HARBI1: variants seen among roughly 807,000 people sequenced by gnomAD.
HARBI1 encodes harbinger transposase derived 1.
In HARBI1, 15 loss-of-function variants were observed where a neutral mutation model predicts 25.3. That is an observed-to-expected ratio of 0.59 (90% CI 0.40 to 0.91). HARBI1 has a LOEUF of 0.91. Among genes scored for constraint, HARBI1 ranks in the 40% least tolerant of loss-of-function variants. The pLI is 0.00. For synonymous variants in HARBI1, 168 were observed against 160.5 expected (o/e 1.05, Z -0.35); for missense variants, 396 against 445.8 (o/e 0.89, Z 1.01).
At chr11:46,617,675 C>T (rs2045735695), upstream of HARBI1, 2 of 393,850 alleles carry the variant, frequency 5.1e-6, no homozygotes, top group Non-Finnish European at 9.0e-6. Context: ...GAGCGCCAGT[C>T]GACGTGGGTG....
At chr11:46,611,871 T>G (rs759334986) in intron 2 of HARBI1, among the ~76,000 whole-genome samples, 1 of 152,100 alleles carries the variant, frequency 6.6e-6, no homozygotes, top group African/African-American at 2.4e-5. Flanking sequence ...AAATAAAATT[T>G]GAAAGCTCAA....
At position 46,604,390 on chromosome 11, in the gene HARBI1, C is replaced by T. The variant is rs113704334; in HGVS notation, c.671-481G>A. ...ATTGCACTCCAACCTGGGCGACAAG[C>T]GCGAAACTCCATCTCAAATAAAATA... On this transcript the variant is annotated intron_variant, in intron 2 of 2. Transcript: ENST00000326737. 2,653 of 866,228 alleles carry T rather than the reference C, an allele frequency of 3.1e-3. 58 individuals carry two copies. In the African/African-American group the frequency reaches 0.045, roughly 15 times the overall value. The allele number at this position is 866,228 out of a possible 1,614,324, so 53.7% of individuals were successfully genotyped here.
At chr11:46,616,440 A>C (rs1161064596) in intron 1 of HARBI1, 59 bp from the exon 2 acceptor site, 14 of 1,386,134 alleles carry the variant, frequency 1.0e-5, no homozygotes, top group Non-Finnish European at 7.4e-6. Flanking sequence ...AGTGACTCAA[A>C]GGCTGGAGCA....
chr11:46,617,640 C>G (rs979274865), upstream of HARBI1: 19 of 358,536 alleles, frequency 5.3e-5, no homozygotes, highest in African/African-American at 4.0e-4. Flanking sequence ...GGAGTGACCG[C>G]TTAACCAGTG....
At position 46,616,371 on chromosome 11, in the gene HARBI1, TA is replaced by T; in HGVS notation, c.-135del. 2 of 1,452,994 alleles carry T rather than the reference TA, an allele frequency of 1.4e-6. No individual in the cohort carries two copies. The highest frequency in any genetic ancestry group is 1.8e-6 in the Non-Finnish European group (2 of 1,111,058). 90.0% of individuals were successfully genotyped at this position (1,452,994 alleles called of 1,614,324 possible). A position where few individuals can be genotyped will look rare whatever the true frequency, so the allele number is the denominator to read the frequency against. On this transcript the variant is annotated 5_prime_UTR_variant, in exon 2 of 3. Transcript: ENST00000326737. ...CACAGTTAAATGGCTCTGCCATTTA[TA>T]ATCTTCTCTCTGTAAATGTTAAAAG...
chr11:46,605,587 CTTTTTTTTTTTTTT>C (rs11333482), intron 2 of HARBI1, among the ~76,000 whole-genome samples: 1 of 90,216 alleles, frequency 1.1e-5, no homozygotes, highest in Non-Finnish European at 2.2e-5. Context: ...CAGGTATAAC[CTTTTTTTTTTTTTT>C]TTTTTTTTTG....
In HARBI1 at chr11:46,616,397, G is replaced by GA. The variant is rs1405328072; in HGVS notation, c.-144-17dup. ...AATCTTCTCTCTGTAAATGTTAAAA[G>GA]AAAAAACATTAGGAACCTACCAAAG... On this transcript the variant is annotated splice_polypyrimidine_tract_variant and intron_variant, in intron 1 of 2. Coordinates refer to ENST00000326737, the MANE Select transcript of HARBI1 (RefSeq NM_173811.4). 6 of 1,423,564 alleles carry GA rather than the reference G, an allele frequency of 4.2e-6. No individual in the cohort carries two copies. The highest frequency in any genetic ancestry group is 6.1e-5 in the Admixed American group (2 of 33,056). The allele number at this position is 1,423,564 out of a possible 1,614,324, so 88.2% of individuals were successfully genotyped here.
intron 2 of HARBI1, among the ~76,000 whole-genome samples, chr11:46,613,566 T>G (rs1591255492): frequency 7.3e-6 from 1 of 136,754 alleles, no homozygotes; most frequent in East Asian, 2.5e-4. Context: ...CACTGCAACC[T>G]CCACCTCCCA....
intron 2 of HARBI1, among the ~76,000 whole-genome samples, chr11:46,610,489 T>C (rs1265624406): frequency 1.3e-5 from 2 of 151,672 alleles, no homozygotes; most frequent in Non-Finnish European, 2.9e-5. Flanking sequence ...TGAAACCCCA[T>C]CTCTACTAAA....
chr11:46,613,285 A>C (rs2045255012), intron 2 of HARBI1, among the ~76,000 whole-genome samples: 1 of 152,034 alleles, frequency 6.6e-6, no homozygotes, highest in Non-Finnish European at 1.5e-5. Context: ...ACAACTGGCC[A>C]CATTTGAATA....
intron 1 of HARBI1, 142 bp from the exon 2 acceptor site, chr11:46,616,523 T>C: frequency 2.5e-6 from 3 of 1,197,950 alleles, no homozygotes; most frequent in Non-Finnish European, 3.1e-6. Context: ...TTTTCTCCAC[T>C]AACTCATGGC....
In HARBI1 at chr11:46,603,775, A is replaced by T; in HGVS notation, c.805T>A (p.Ser269Thr). The T allele has an allele frequency of 6.2e-7, 1 of 1,614,132 alleles. No individual in the cohort carries two copies. Residue 269 changes from serine (S) to threonine (T), a missense_variant, in exon 3 of 3, where the codon TCC becomes ACC. Coordinates refer to ENST00000326737, the MANE Select transcript of HARBI1 (RefSeq NM_173811.4). ...VIEKTFRTLCSRFRCLDGSKG... is the reference protein window; with the variant it reads ...VIEKTFRTLCTRFRCLDGSKG... Reference sequence around the variant, plus strand: ...GATCCATCCAGGCAGCGGAATCGGGAGCAGAGGGTTCGGAAAGTCTTCTCA... The same window carrying T: ...GATCCATCCAGGCAGCGGAATCGGGTGCAGAGGGTTCGGAAAGTCTTCTCA...
At chr11:46,609,838 A>G (rs1468942673) in intron 2 of HARBI1, among the ~76,000 whole-genome samples, 2 of 150,242 alleles carry the variant, frequency 1.3e-5, no homozygotes, top group East Asian at 3.9e-4. Flanking sequence ...AAAAAAATAA[A>G]TAAATAAAAG....
chr11:46,616,091 C>A lies in HARBI1; in HGVS notation c.147G>T (p.Leu49Phe). ...YGFPRQFIYY[L>F]VELLGANLSR... ...AAAGATTCGCCCCCAAGAGCTCCAC[C>A]AAGTAATAAATGAACTGCCGTGGAA... The change falls in exon 2 of 3, where the codon TTG becomes TTT. Residue 49 changes from leucine to phenylalanine, a missense_variant. Coordinates refer to ENST00000326737, the MANE Select transcript of HARBI1 (RefSeq NM_173811.4). 1 of 1,614,182 alleles carries A rather than the reference C, an allele frequency of 6.2e-7. No individual in the cohort carries two copies. The highest frequency in any genetic ancestry group is 8.5e-7 in the Non-Finnish European group (1 of 1,180,032).
chr11:46,613,946 C>T (rs942732164), intron 2 of HARBI1, among the ~76,000 whole-genome samples: 3 of 151,934 alleles, frequency 2.0e-5, no homozygotes, highest in Non-Finnish European at 4.4e-5. Flanking sequence ...GCTGGGATTA[C>T]GGGCAGGAGC....
chr11:46,613,686 T>C (rs1591255900), intron 2 of HARBI1, among the ~76,000 whole-genome samples: 1 of 152,010 alleles, frequency 6.6e-6, no homozygotes, highest in Non-Finnish European at 1.5e-5. Flanking sequence ...TTTCACTATG[T>C]TGGACAGGCT....
chr11:46,612,701 G>A (rs550178755), intron 2 of HARBI1, among the ~76,000 whole-genome samples: 65 of 146,946 alleles, frequency 4.4e-4, no homozygotes, highest in Middle Eastern at 7.0e-3. Context: ...ACAGAGTTTC[G>A]TTCTTGTTGC....
Position 46,603,488 on chromosome 11 carries a change from G to A in HARBI1, c.*42C>T. On this transcript the variant is annotated 3_prime_UTR_variant, in exon 3 of 3. Coordinates refer to ENST00000326737, the MANE Select transcript of HARBI1 (RefSeq NM_173811.4). Reference sequence around the variant, plus strand: ...TAAAAGGTGATGAGGAGGAAAGTCTGTCACAACTCCTGGGAAGTATCCCTC... The same window carrying A: ...TAAAAGGTGATGAGGAGGAAAGTCTATCACAACTCCTGGGAAGTATCCCTC... 6 of 1,526,036 alleles carry A rather than the reference G, an allele frequency of 3.9e-6. No individual in the cohort carries two copies. The highest frequency in any genetic ancestry group is 1.3e-5 in the South Asian group (1 of 77,982). The allele number at this position is 1,526,036 out of a possible 1,614,324, so 94.5% of individuals were successfully genotyped here.
At chr11:46,608,776 C>T (rs887850069) in intron 2 of HARBI1, among the ~76,000 whole-genome samples, 4 of 149,426 alleles carry the variant, frequency 2.7e-5, no homozygotes, top group Admixed American at 1.3e-4. Context: ...CCACCAGGCC[C>T]GGCTAATTTT....
Sources: allele counts gnomAD v4.1 joint callset (sites outside exome capture counted in the v4.1 genomes callset), GRCh38; gene constraint gnomAD v4.1.1; transcripts MANE v1.5; gene names NCBI Gene and HGNC (gene_info 2026-07-23, HGNC 2026-07-21).